The following PHF20 variants were observed in gnomAD, a reference collection of about 807,000 sequenced individuals.
PHF20 encodes glioma-expressed antigen 2.
Under a neutral mutation model 113.5 loss-of-function variants are expected in PHF20, and 23 were observed. That is an observed-to-expected ratio of 0.20 (90% confidence interval 0.15 to 0.29). The LOEUF is 0.29. PHF20 is among the 10% of genes least tolerant of loss of function. The probability of loss-of-function intolerance (pLI) is 1.00; values close to 1 mark genes in which losing one functional copy is unlikely to be tolerated. For missense variants in PHF20, 943 were observed against 1,219.6 expected (o/e 0.77, Z 3.38); for synonymous variants, 434 against 457.3 (o/e 0.95, Z 0.65).
At chr20:35,947,207 G>A (rs538637183) in intron 17 of PHF20, among the ~76,000 whole-genome samples, 5 of 152,312 alleles carry the variant, frequency 3.3e-5, no homozygotes, top group African/African-American at 1.2e-4. Flanking sequence ...TACTGTATTG[G>A]ATGACACAGA....
chr20:35,903,082 T>C (rs1385634125), intron 10 of PHF20, among the ~76,000 whole-genome samples: 173 of 129,876 alleles, frequency 1.3e-3, no homozygotes, highest in African/African-American at 4.9e-3. Flanking sequence ...CCTTTCTTTT[T>C]TTTTTTTTTT....
At chr20:35,876,833 G>A (rs933749761) in intron 9 of PHF20, among the ~76,000 whole-genome samples, 8 of 151,798 alleles carry the variant, frequency 5.3e-5, no homozygotes, top group African/African-American at 1.2e-4. Context: ...TTGGCCGGGC[G>A]CAGTGTCTCA....
intron 3 of PHF20, among the ~76,000 whole-genome samples, chr20:35,844,778 C>T (rs529675542): frequency 1.3e-5 from 2 of 152,104 alleles, no homozygotes; most frequent in East Asian, 3.9e-4. Context: ...GCACTATAGA[C>T]TCTTGTTTTT....
At chr20:35,873,826 A>G (rs1348654767) in intron 9 of PHF20, among the ~76,000 whole-genome samples, 1 of 152,170 alleles carries the variant, frequency 6.6e-6, no homozygotes, top group Non-Finnish European at 1.5e-5. Flanking sequence ...TCTATGGATT[A>G]TGGTATACAT....
intron 2 of PHF20, among the ~76,000 whole-genome samples, chr20:35,804,427 G>A (rs377001970): frequency 8.6e-5 from 13 of 151,732 alleles, no homozygotes; most frequent in African/African-American, 2.2e-4. Flanking sequence ...TAGTAGAGAC[G>A]GGGTTTCACG....
chr20:35,846,207 T>A (rs1244350163), intron 3 of PHF20, among the ~76,000 whole-genome samples: 1 of 150,972 alleles, frequency 6.6e-6, no homozygotes, highest in Non-Finnish European at 1.5e-5. Context: ...TGAGACAGAG[T>A]CTCACTGTAT....
chr20:35,828,950 G>T (rs994118351), intron 2 of PHF20, among the ~76,000 whole-genome samples: 2 of 152,240 alleles, frequency 1.3e-5, no homozygotes, highest in South Asian at 4.1e-4. Context: ...TATTCTCTAG[G>T]TGTCTATGGG....
chr20:35,933,836 C>G (rs2055812644), intron 15 of PHF20, among the ~76,000 whole-genome samples: 1 of 152,186 alleles, frequency 6.6e-6, no homozygotes, highest in Non-Finnish European at 1.5e-5. Context: ...CCCGGTCGGT[C>G]TCTTGGCTGT....
intron 2 of PHF20, among the ~76,000 whole-genome samples, chr20:35,828,199 T>C (rs905840314): frequency 6.6e-6 from 1 of 152,038 alleles, no homozygotes; most frequent in Admixed American, 6.6e-5. Flanking sequence ...TAATTTTGTA[T>C]TTTTAGTAGA....
rs1030108128 is a variant in PHF20, at chr20:35,912,787, G to A, written c.1562-462G>A. ...GCGGAGGTTGCAGTGAGCTGAGATC[G>A]CGCCACTGCACTCCAGCCTGGGTGA... On this transcript the variant is annotated intron_variant, in intron 10 of 17. Coordinates refer to ENST00000374012, the MANE Select transcript of PHF20 (RefSeq NM_016436.5). Among the ~76,000 whole-genome samples the A allele has an allele frequency of 3.9e-5, 6 of 152,134 alleles. 1 individual carries two copies. Among genetic ancestry groups the A allele is most frequent in the Admixed American group, 2.0e-4 (3 of 15,274 alleles).
intron 1 of PHF20, among the ~76,000 whole-genome samples, chr20:35,793,322 A>G (rs2041595932): frequency 6.8e-6 from 1 of 147,306 alleles, no homozygotes; most frequent in Non-Finnish European, 1.5e-5. Context: ...TTTTTGAGAC[A>G]AGAGTCTCGC....
intron 2 of PHF20, among the ~76,000 whole-genome samples, chr20:35,806,994 A>G (rs555226742): frequency 6.6e-6 from 1 of 151,786 alleles, no homozygotes; most frequent in East Asian, 2.0e-4. Context: ...ACGGAGTTTC[A>G]CTGTGTTAGC....
At chr20:35,872,129 A>G (rs2072537964) in intron 9 of PHF20, among the ~76,000 whole-genome samples, 1 of 146,294 alleles carries the variant, frequency 6.8e-6, no homozygotes, top group South Asian at 2.2e-4. Flanking sequence ...TCTTCCTTCA[A>G]TTTTTTCTAG....
chr20:35,919,953 T>C (rs1221086072), intron 13 of PHF20, among the ~76,000 whole-genome samples: 1 of 152,240 alleles, frequency 6.6e-6, no homozygotes, highest in African/African-American at 2.4e-5. Flanking sequence ...CCATTTGACA[T>C]TGGCATAATC....
At chr20:35,849,569 G>A (rs2042682615) in intron 4 of PHF20, 1 of 466,728 alleles carries the variant, frequency 2.1e-6, no homozygotes, top group Non-Finnish European at 4.4e-6. Flanking sequence ...AAATGATTAG[G>A]TTTGGATTAG....
chr20:35,947,349 TGCCCCA>T lies in PHF20; in HGVS notation c.2897-135_2897-130del. On this transcript the variant is annotated intron_variant, in intron 17 of 17. Transcript: ENST00000374012. ...CTGGCTGAAATGGCCCTTCCTCCCT[TGCCCCA>T]TGGAGGCTGAAATGGCCCTTCCTCC... 19 of 774,182 alleles carry T rather than the reference TGCCCCA, an allele frequency of 2.5e-5. 3 individuals are homozygous for T. Among genetic ancestry groups the T allele is most frequent in the South Asian group, 2.3e-4 (10 of 43,388 alleles). The allele number at this position is 774,182 out of a possible 1,614,324, so 48.0% of individuals were successfully genotyped here.
intron 2 of PHF20, among the ~76,000 whole-genome samples, chr20:35,834,998 C>T (rs541366714): frequency 2.0e-5 from 3 of 151,840 alleles, no homozygotes; most frequent in South Asian, 2.1e-4. Flanking sequence ...GGTAGGAGGC[C>T]GGGTGTGGTG....
Position 35,931,402 on chromosome 20 carries a change from T to C in PHF20, c.2258T>C (p.Ile753Thr), listed in dbSNP as rs376078655. The C allele has an allele frequency of 9.9e-6, 16 of 1,613,796 alleles. No individual in the cohort carries two copies. Among genetic ancestry groups the C allele is most frequent in the East Asian group, 2.2e-5 (1 of 44,876 alleles). ...CTTCTTGGTGATGTGCAGAGAGTGA[T>C]TGAGGTTCTGCATGGCCTGCAGCTC... ...HQLLGDVQRV[I>T]EVLHGLQLKM... Residue 753 changes from isoleucine (I) to threonine (T), a missense_variant, in exon 15 of 18, where the codon ATT becomes ACT. Ile to Thr is a moderately conservative substitution (Grantham distance 89, BLOSUM62 -1). This residue lies in a region of PHF20 where 349 missense variants were observed against 412.3 expected (regional missense o/e 0.85). Transcript: ENST00000374012.
chr20:35,796,740 CTT>C (rs1413321737), intron 1 of PHF20, among the ~76,000 whole-genome samples: 1 of 152,120 alleles, frequency 6.6e-6, no homozygotes, highest in African/African-American at 2.4e-5. Flanking sequence ...ATAGCAACGA[CTT>C]TGGTCAGAGA....
Sources: allele counts gnomAD v4.1 joint callset (sites outside exome capture counted in the v4.1 genomes callset), GRCh38; gene constraint gnomAD v4.1.1; regional missense constraint gnomAD v4.1.1; transcripts MANE v1.5; gene names NCBI Gene and HGNC (gene_info 2026-07-23, HGNC 2026-07-21).